The following SAMD3 variants were observed in gnomAD, a reference collection of about 807,000 sequenced individuals.
The protein encoded by SAMD3 is sterile alpha motif domain containing 3, also known as sterile alpha motif domain-containing protein 3.
A neutral mutation model predicts 58.5 loss-of-function variants in SAMD3; 63 were observed. The ratio of observed to expected loss-of-function variants is 1.08; its 90% CI spans 0.88 to 1.33. SAMD3 has a LOEUF of 1.33. Ranked by LOEUF, SAMD3 falls within the 40% of genes most tolerant of loss-of-function variation. SAMD3 has a pLI of 0.00. For missense variants in SAMD3, 604 were observed against 608.4 expected, an observed-to-expected ratio of 0.99 and a Z score of 0.08; for synonymous variants, 220 against 210.3, an observed-to-expected ratio of 1.05 and a Z score of -0.40.
chr6:130,173,997 A>C (rs796076648), intron 8 of SAMD3, among the ~76,000 whole-genome samples: 78 of 152,270 alleles, frequency 5.1e-4, no homozygotes, highest in African/African-American at 1.8e-3. Context: ...CTGCCTACTA[A>C]AGCCCCAGTA....
chr6:130,184,288 T>A, intron 6 of SAMD3, 101 bp from the exon 7 acceptor site: 1 of 1,204,602 alleles, frequency 8.3e-7, no homozygotes, highest in Middle Eastern at 2.0e-4. Context: ...CATTTTTCTA[T>A]ATAACAAAAA....
chr6:130,314,948 C>G (rs2114992950), intron 1 of SAMD3, among the ~76,000 whole-genome samples: 1 of 152,280 alleles, frequency 6.6e-6, no homozygotes, highest in South Asian at 2.1e-4. Flanking sequence ...TATTAGTTAT[C>G]ACATACTCAC....
intron 8 of SAMD3, among the ~76,000 whole-genome samples, chr6:130,162,925 T>C (rs1410891485): frequency 1.3e-5 from 2 of 152,194 alleles, no homozygotes; most frequent in Non-Finnish European, 2.9e-5. Context: ...TTCTAATTTT[T>C]AACAAATTTA....
Position 130,177,979 on chromosome 6 carries a change from T to A in SAMD3, c.655-1971A>T, listed in dbSNP as rs559290022. On this transcript the variant is annotated intron_variant, in intron 7 of 11. Coordinates refer to ENST00000439090, the MANE Select transcript of SAMD3 (RefSeq NM_001017373.4). ...CACTGCATGAGTGGTGGCTCAACCC[T>A]TCTTTTTTTTTTTAGACGGAGTTTC... 2.7e-5 allele frequency among the ~76,000 whole-genome samples: 4 copies of A among 149,264 alleles called. No individual in the cohort carries two copies. In the South Asian group the frequency reaches 8.3e-4, roughly 31 times the overall value.
At chr6:130,193,257 C>G (rs1039696033) in intron 5 of SAMD3, among the ~76,000 whole-genome samples, 20 of 150,826 alleles carry the variant, frequency 1.3e-4, no homozygotes, top group Admixed American at 6.6e-5. Flanking sequence ...GGCAAGAAAC[C>G]CCCAACCCCT....
intron 2 of SAMD3, among the ~76,000 whole-genome samples, chr6:130,261,165 G>A (rs923627007): frequency 2.7e-5 from 4 of 146,162 alleles, no homozygotes; most frequent in Admixed American, 6.9e-5. Context: ...CATTTGAGTG[G>A]AAGCGTGGCC....
At chr6:130,276,225 G>A (rs1208882671) in intron 2 of SAMD3, among the ~76,000 whole-genome samples, 3 of 152,114 alleles carry the variant, frequency 2.0e-5, no homozygotes, top group African/African-American at 4.8e-5. Context: ...ATCTACAGAA[G>A]GAACTCAGGC....
chr6:130,184,431 C>A lies in SAMD3; in HGVS notation c.569+7G>T. 6.2e-7 allele frequency: 1 copy of A among 1,612,276 alleles called. No homozygotes were observed. Among genetic ancestry groups the A allele is most frequent in the South Asian group, 1.1e-5 (1 of 90,702 alleles). ...CAAAGCAGCAAGCTTGTCCTGTTGTCACTCACAGTGAGCCTTCCAGATACT... is the reference window on the plus strand; with the variant it reads ...CAAAGCAGCAAGCTTGTCCTGTTGTAACTCACAGTGAGCCTTCCAGATACT... On this transcript the variant is annotated splice_region_variant and intron_variant, in intron 6 of 11. Coordinates refer to ENST00000439090, the MANE Select transcript of SAMD3 (RefSeq NM_001017373.4).
chr6:130,338,398 G>A (rs1478879995), intron 1 of SAMD3, among the ~76,000 whole-genome samples: 2 of 152,234 alleles, frequency 1.3e-5, no homozygotes, highest in Non-Finnish European at 2.9e-5. Context: ...AAAGGGAAAT[G>A]TGGGGTTGTA....
chr6:130,334,835 C>T (rs1379711485), intron 1 of SAMD3, among the ~76,000 whole-genome samples: 4 of 152,108 alleles, frequency 2.6e-5, no homozygotes, highest in African/African-American at 4.8e-5. Context: ...CTGCACCATC[C>T]GTGTGGTTAT....
intron 1 of SAMD3, among the ~76,000 whole-genome samples, chr6:130,354,531 G>A (rs1777770590): frequency 6.6e-6 from 1 of 152,164 alleles, no homozygotes; most frequent in African/African-American, 2.4e-5. Flanking sequence ...CAGCAACATG[G>A]ATGGGGCAGG....
intron 10 of SAMD3, among the ~76,000 whole-genome samples, 170 bp from the exon 11 acceptor site, chr6:130,145,592 A>T (rs538929894): frequency 2.0e-5 from 3 of 152,330 alleles, no homozygotes; most frequent in Admixed American, 1.3e-4. Context: ...CTAATAAAAC[A>T]TTCAAAATCT....
intron 2 of SAMD3, among the ~76,000 whole-genome samples, chr6:130,289,156 GC>G (rs1163706048): frequency 1.3e-5 from 2 of 152,162 alleles, no homozygotes; most frequent in Non-Finnish European, 2.9e-5. Flanking sequence ...TGTTGTTGAG[GC>G]TACTTTAAAT....
At chr6:130,212,622 A>T (rs918822338) in intron 4 of SAMD3, among the ~76,000 whole-genome samples, 2 of 152,260 alleles carry the variant, frequency 1.3e-5, no homozygotes, top group African/African-American at 2.4e-5. Flanking sequence ...GCCAACATTT[A>T]ATATAATCAA....
upstream of SAMD3, among the ~76,000 whole-genome samples, chr6:130,223,411 C>T (rs1377394276): frequency 6.6e-6 from 1 of 152,158 alleles, no homozygotes; most frequent in East Asian, 1.9e-4. Context: ...GATAGCTGAA[C>T]ATTTTATAGC....
intron 2 of SAMD3, among the ~76,000 whole-genome samples, chr6:130,292,392 T>A (rs1033147289): frequency 6.6e-6 from 1 of 150,780 alleles, no homozygotes; most frequent in African/African-American, 2.5e-5. Flanking sequence ...GCTCAAGCAG[T>A]TCTCCTGCGT....
chr6:130,264,805 C>T (rs757571810), intron 2 of SAMD3, among the ~76,000 whole-genome samples: 1 of 152,128 alleles, frequency 6.6e-6, no homozygotes, highest in Admixed American at 6.5e-5. Context: ...ATGTCGGCCT[C>T]AGTCCTGGGG....
At chr6:130,254,257 G>T (rs1341546099) in intron 2 of SAMD3, among the ~76,000 whole-genome samples, 3 of 151,986 alleles carry the variant, frequency 2.0e-5, no homozygotes, top group Admixed American at 1.3e-4. Context: ...GCAGTGGCGT[G>T]ATCTCAGCTC....
At chr6:130,296,238 A>G (rs1775566047) in intron 2 of SAMD3, among the ~76,000 whole-genome samples, 1 of 152,230 alleles carries the variant, frequency 6.6e-6, no homozygotes. Context: ...TGGTGAATGG[A>G]CAAGTTCTGA....
Sources: gnomAD v4.1 joint callset for allele counts (sites outside exome capture counted in the v4.1 genomes callset) on GRCh38, gnomAD v4.1.1 for gene constraint, MANE v1.5 for transcripts, NCBI Gene and HGNC (gene_info 2026-07-23, HGNC 2026-07-21) for gene names.